Variants in ADAMTSL1 observed in about 807,000 individuals in gnomAD.
ADAMTSL1 encodes ADAMTS-like protein 1.
Under a neutral mutation model 201.8 loss-of-function variants are expected in ADAMTSL1, and 126 were observed. The observed-to-expected ratio is 0.62, with a 90% CI of 0.54 to 0.72. The LOEUF (loss-of-function observed/expected upper bound fraction) is 0.72, where lower values mean the gene tolerates loss of function less well. Among genes scored for constraint, ADAMTSL1 ranks in the 30% least tolerant of loss-of-function variants. ADAMTSL1 has a pLI of 0.00. For synonymous variants in ADAMTSL1, 1,121 were observed against 903.4 expected (o/e 1.24, Z -4.32); for missense variants, 2,679 against 2,277.8 (o/e 1.18, Z -3.59).
chr9:18,529,071 C>T (rs768474265), intron 2 of ADAMTSL1, among the ~76,000 whole-genome samples: 23 of 152,162 alleles, frequency 1.5e-4, no homozygotes, highest in Non-Finnish European at 3.1e-4. Flanking sequence ...TCACACTTGG[C>T]AGGAATTAAA....
rs1822991301 is a variant in ADAMTSL1, at chr9:18,579,953, A to G, written c.474+5687A>G. On this transcript the variant is annotated intron_variant, in intron 4 of 28. Coordinates refer to ENST00000380548, the MANE Select transcript of ADAMTSL1 (RefSeq NM_001040272.6). ...TATGGACAGAACATGTGCTGCTGTT[A>G]AAAATAATTTTGAGGTTATTTTGAA... Among the ~76,000 whole-genome samples, 5 of 152,234 alleles carry G rather than the reference A, an allele frequency of 3.3e-5. No individual in the cohort carries two copies. In the South Asian group the frequency reaches 1.0e-3, roughly 31 times the overall value.
At position 18,533,236 on chromosome 9, in the gene ADAMTSL1, T is replaced by C. The variant is rs1156847490; in HGVS notation, c.192-11T>C. ...AAGTAGTAATATTTCTTTTTTCTTT[T>C]TGCAACTTAGGAGCTGTGAAGGAAG... On this transcript the variant is annotated splice_polypyrimidine_tract_variant and intron_variant, in intron 2 of 28. Transcript: ENST00000380548. The C allele has an allele frequency of 3.1e-6, 5 of 1,603,168 alleles. No individual in the cohort carries two copies. Among genetic ancestry groups the C allele is most frequent in the Non-Finnish European group, 4.3e-6 (5 of 1,175,586 alleles).
At chr9:18,032,256 G>C (rs763201567) in intron 1 of ADAMTSL1, among the ~76,000 whole-genome samples, 4 of 152,138 alleles carry the variant, frequency 2.6e-5, no homozygotes, top group Non-Finnish European at 5.9e-5. Context: ...TCCCAAGAGT[G>C]GTGGCTCCTC....
At chr9:18,105,235 T>G (rs1376506189) in intron 1 of ADAMTSL1, among the ~76,000 whole-genome samples, 2 of 152,280 alleles carry the variant, frequency 1.3e-5, no homozygotes, top group Admixed American at 1.3e-4. Flanking sequence ...TAACTTTCGG[T>G]GTCTCTATGA....
intron 4 of ADAMTSL1, among the ~76,000 whole-genome samples, chr9:18,591,881 C>G (rs1305656795): frequency 6.6e-6 from 1 of 152,136 alleles, no homozygotes. Context: ...AAAAAGTTAT[C>G]GAGATGCTTG....
At chr9:18,501,547 A>C (rs983747862) in intron 1 of ADAMTSL1, among the ~76,000 whole-genome samples, 1 of 151,678 alleles carries the variant, frequency 6.6e-6, no homozygotes, top group African/African-American at 2.4e-5. Context: ...AGAAATAAGC[A>C]TGTGTTCTAC....
At chr9:18,219,617 C>T (rs1045909855) in intron 2 of ADAMTSL1, among the ~76,000 whole-genome samples, 3 of 152,082 alleles carry the variant, frequency 2.0e-5, no homozygotes, top group African/African-American at 4.8e-5. Flanking sequence ...GGTCTGCCCA[C>T]CTTGGCCTGG....
At chr9:18,877,989 A>T (rs7047294) in intron 23 of ADAMTSL1, among the ~76,000 whole-genome samples, 1 of 151,698 alleles carries the variant, frequency 6.6e-6, no homozygotes, top group African/African-American at 2.4e-5. Context: ...CAGGCCAACA[A>T]AGTTATATTC....
intron 4 of ADAMTSL1, among the ~76,000 whole-genome samples, chr9:18,593,389 C>G (rs1389098935): frequency 6.6e-6 from 1 of 151,690 alleles, no homozygotes; most frequent in African/African-American, 2.4e-5. Context: ...TATTGTTTTC[C>G]TCATTTCAAT....
At chr9:18,460,855 A>G (rs1820781688) in intron 2 of ADAMTSL1, among the ~76,000 whole-genome samples, 1 of 152,192 alleles carries the variant, frequency 6.6e-6, no homozygotes, top group African/African-American at 2.4e-5. Flanking sequence ...TTCAGTGAAA[A>G]TCACCCCTCA....
Position 18,574,131 on chromosome 9 carries a change from T to C in ADAMTSL1, c.339T>C (p.Asn113=). 6.2e-7 allele frequency: 1 copy of C among 1,614,168 alleles called. No homozygotes were observed. The highest frequency in any genetic ancestry group is 8.5e-7 in the Non-Finnish European group (1 of 1,180,020). Reference sequence around the variant, plus strand: ...TTTATGAATGGCTTCCTGTGTCTAATGACCCTGACAACCCATGTTCACTCA... The same window carrying C: ...TTTATGAATGGCTTCCTGTGTCTAACGACCCTGACAACCCATGTTCACTCA... ...GQFYEWLPVS[N]DPDNPCSLKC... Residue 113 remains asparagine (N), a synonymous_variant, in exon 4 of 29, where the codon AAT becomes AAC. Transcript: ENST00000380548.
At chr9:18,336,185 C>A (rs982686182) in intron 2 of ADAMTSL1, among the ~76,000 whole-genome samples, 1 of 152,038 alleles carries the variant, frequency 6.6e-6, no homozygotes, top group African/African-American at 2.4e-5. Flanking sequence ...GTAGATGGAC[C>A]TATGAAAGAG....
intron 4 of ADAMTSL1, among the ~76,000 whole-genome samples, chr9:18,592,180 C>T (rs1823963650): frequency 6.6e-6 from 1 of 150,924 alleles, no homozygotes; most frequent in African/African-American, 2.4e-5. Flanking sequence ...TGAGCATGAC[C>T]TTTTTTTTTG....
intron 2 of ADAMTSL1, among the ~76,000 whole-genome samples, chr9:18,322,441 T>C (rs1834662554): frequency 6.6e-6 from 1 of 152,160 alleles, no homozygotes; most frequent in South Asian, 2.1e-4. Context: ...CAGACCAGCC[T>C]GGCCAACATG....
intron 2 of ADAMTSL1, among the ~76,000 whole-genome samples, chr9:18,508,614 C>G (rs1208965299): frequency 6.6e-6 from 1 of 152,122 alleles, no homozygotes; most frequent in Non-Finnish European, 1.5e-5. Context: ...CCTCATGTTT[C>G]AAAAAGCTAG....
chr9:18,186,881 G>A lies in ADAMTSL1; in HGVS notation c.207+22900G>A, dbSNP rs1336776354. Among the ~76,000 whole-genome samples the A allele has an allele frequency of 6.0e-5, 9 of 151,074 alleles. 1 individual carries two copies. Among genetic ancestry groups the A allele is most frequent in the East Asian group, 1.9e-4 (1 of 5,136 alleles). On this transcript the variant is annotated intron_variant, in intron 2 of 29. Transcript: ENST00000680146. ...CACACATGCACAAACACACACAAAC[G>A]TGAACATATATATTATTGACGATAA...
intron 16 of ADAMTSL1, among the ~76,000 whole-genome samples, chr9:18,762,692 A>G (rs1312386880): frequency 6.7e-6 from 1 of 150,042 alleles, no homozygotes; most frequent in Non-Finnish European, 1.5e-5. Context: ...TCCGCTCTCT[A>G]TGTCCATGAG....
At chr9:18,364,878 T>A (rs370811000) in intron 2 of ADAMTSL1, among the ~76,000 whole-genome samples, 2 of 151,856 alleles carry the variant, frequency 1.3e-5, no homozygotes, top group African/African-American at 2.4e-5. Context: ...CAACCAGACC[T>A]CACAATAACT....
chr9:18,656,202 A>C (rs745456240), intron 7 of ADAMTSL1, among the ~76,000 whole-genome samples: 4 of 151,790 alleles, frequency 2.6e-5, no homozygotes, highest in Admixed American at 6.6e-5. Flanking sequence ...CTGTTTCTTC[A>C]ATATTCTTAT....
Sources: gnomAD v4.1 joint callset for allele counts (sites outside exome capture counted in the v4.1 genomes callset) on GRCh38, gnomAD v4.1.1 for gene constraint, MANE v1.5 for transcripts, NCBI Gene and HGNC (gene_info 2026-07-23, HGNC 2026-07-21) for gene names.